Variants in FHOD3 observed in about 807,000 individuals in gnomAD.
FHOD3 encodes the protein FH1/FH2 domain-containing protein 3.
In FHOD3, 90 loss-of-function variants were observed where a neutral mutation model predicts 173.0. The ratio of observed to expected loss-of-function variants is 0.52; its 90% CI spans 0.44 to 0.62. FHOD3 has a LOEUF of 0.62. Among genes scored for constraint, FHOD3 ranks in the 20% least tolerant of loss-of-function variants. The pLI, the probability that FHOD3 is intolerant of heterozygous loss-of-function variation, is 0.00. For synonymous variants in FHOD3, 828 were observed against 823.0 expected (o/e 1.01, Z -0.10); for missense variants, 1,945 against 2,034.7 (o/e 0.96, Z 0.85).
chr18:36,346,554 A>T (rs1446768453), intron 1 of FHOD3, among the ~76,000 whole-genome samples: 1 of 152,148 alleles, frequency 6.6e-6, no homozygotes, highest in East Asian at 1.9e-4. Context: ...ACCATATCCG[A>T]TCAGTCACTC....
chr18:36,302,267 C>T (rs1158293633), intron 1 of FHOD3, among the ~76,000 whole-genome samples: 1 of 152,130 alleles, frequency 6.6e-6, no homozygotes, highest in African/African-American at 2.4e-5. Flanking sequence ...GTGGTTGCCT[C>T]GCTGCCTCAG....
rs892638487 is a variant in FHOD3, at chr18:36,709,370, C to G, written c.2512C>G (p.Leu838Val). The change falls in exon 18 of 29, where the codon CTC (leucine) becomes GTC (valine). Residue 838 changes from leucine (L) to valine (V), a missense_variant. By Grantham distance (32) the Leu-to-Val change is conservative (BLOSUM62 1). Around this residue, in one of 5 missense-constraint regions of FHOD3, gnomAD observed 1,099 missense variants for 1,051.2 expected, o/e 1.05. Transcript: ENST00000590592. ...TLEREEKEDK[L>V]SRDRTTGLWP... ...GGAGAGGGAGGAGAAGGAGGACAAGCTCTCCAGGGACAGGACAACTGGTAA... is the reference window on the plus strand; with the variant it reads ...GGAGAGGGAGGAGAAGGAGGACAAGGTCTCCAGGGACAGGACAACTGGTAA... 6.2e-7 allele frequency: 1 copy of G among 1,613,906 alleles called. No individual in the cohort carries two copies. Among genetic ancestry groups the G allele is most frequent in the South Asian group, 1.1e-5 (1 of 91,056 alleles).
chr18:36,600,684 G>A (rs763327355), intron 7 of FHOD3, among the ~76,000 whole-genome samples: 7 of 152,236 alleles, frequency 4.6e-5, no homozygotes, highest in Non-Finnish European at 1.0e-4. Context: ...ATGTGCATGT[G>A]TCTGTTTAAG....
intron 3 of FHOD3, among the ~76,000 whole-genome samples, chr18:36,445,444 A>G (rs796503544): frequency 1.3e-5 from 2 of 152,204 alleles, no homozygotes; most frequent in Admixed American, 1.3e-4. Context: ...TCCCTGAAAA[A>G]TAAGAATAAT....
At chr18:36,568,547 G>T (rs572320344) in intron 5 of FHOD3, among the ~76,000 whole-genome samples, 1 of 149,558 alleles carries the variant, frequency 6.7e-6, no homozygotes, top group South Asian at 2.1e-4. Context: ...GCATAGCAGT[G>T]ACTTTGAGAA....
At chr18:36,480,485 C>T (rs1037607740) in intron 3 of FHOD3, among the ~76,000 whole-genome samples, 7 of 152,174 alleles carry the variant, frequency 4.6e-5, no homozygotes, top group Non-Finnish European at 8.8e-5. Context: ...ACATGCAGCA[C>T]GAGGCTCTTG....
intron 1 of FHOD3, among the ~76,000 whole-genome samples, chr18:36,340,033 A>G (rs910711132): frequency 1.3e-5 from 2 of 152,150 alleles, no homozygotes; most frequent in African/African-American, 4.8e-5. Context: ...CCTTTCACCA[A>G]TTCTTCATTC....
chr18:36,595,808 T>C (rs1305954281), intron 7 of FHOD3, among the ~76,000 whole-genome samples: 3 of 152,258 alleles, frequency 2.0e-5, no homozygotes, highest in Non-Finnish European at 2.9e-5. Context: ...TTTTGTCTTT[T>C]GTTGTTTGTT....
intron 5 of FHOD3, among the ~76,000 whole-genome samples, chr18:36,564,743 C>T (rs2147750389): frequency 6.6e-6 from 1 of 152,124 alleles, no homozygotes; most frequent in East Asian, 1.9e-4. Context: ...ACGGGCCCTC[C>T]CTCCTTTGAG....
intron 3 of FHOD3, among the ~76,000 whole-genome samples, chr18:36,394,029 A>G (rs139972048): frequency 1.3e-5 from 2 of 152,338 alleles, no homozygotes; most frequent in African/African-American, 4.8e-5. Flanking sequence ...AGACACACAG[A>G]TGAGCGTGAG....
intron 1 of FHOD3, among the ~76,000 whole-genome samples, chr18:36,301,450 A>G (rs1470676600): frequency 6.6e-6 from 1 of 152,230 alleles, no homozygotes; most frequent in Admixed American, 6.5e-5. Flanking sequence ...ATCTGCTTAT[A>G]GTAGTTCTAG....
In FHOD3 at chr18:36,331,759, G is replaced by C. The variant is rs192530496; in HGVS notation, c.166-23780G>C. 2.6e-4 allele frequency among the ~76,000 whole-genome samples: 39 copies of C among 152,254 alleles called. 2 individuals are homozygous for C. The highest frequency in any genetic ancestry group is 2.2e-3 in the Admixed American group (34 of 15,294). On this transcript the variant is annotated intron_variant, in intron 1 of 28. Coordinates refer to ENST00000590592, the MANE Select transcript of FHOD3 (RefSeq NM_001281740.3). Reference sequence around the variant, plus strand: ...AAGCAACTTCCCAGAGCTCAGGAGGGGTGGGGGAGCTGCAGCTGGTGTTGG... The same window carrying C: ...AAGCAACTTCCCAGAGCTCAGGAGGCGTGGGGGAGCTGCAGCTGGTGTTGG...
At chr18:36,495,424 C>T (rs2054694553) in intron 3 of FHOD3, among the ~76,000 whole-genome samples, 1 of 152,206 alleles carries the variant, frequency 6.6e-6, no homozygotes, top group Non-Finnish European at 1.5e-5. Context: ...AACATGTGTT[C>T]ATGGCCAAGG....
intron 3 of FHOD3, among the ~76,000 whole-genome samples, chr18:36,491,108 C>T (rs1037226762): frequency 1.2e-4 from 19 of 152,094 alleles, no homozygotes; most frequent in African/African-American, 3.6e-4. Context: ...GACAGATAAG[C>T]GATGATTCAT....
chr18:36,386,463 G>A (rs147828031), intron 3 of FHOD3, among the ~76,000 whole-genome samples: 9 of 152,312 alleles, frequency 5.9e-5, no homozygotes, highest in Admixed American at 2.0e-4. Context: ...TAAAAACAAC[G>A]AGCAATTTCC....
intron 15 of FHOD3, among the ~76,000 whole-genome samples, chr18:36,686,485 T>C (rs2155915): frequency 0.025 from 3,772 of 151,132 alleles, 159 homozygotes; most frequent in African/African-American, 0.087. Context: ...CTGGGGCCTG[T>C]CAGTGGGGGG....
chr18:36,704,842 G>T (rs1600325063), intron 17 of FHOD3, among the ~76,000 whole-genome samples: 1 of 152,162 alleles, frequency 6.6e-6, no homozygotes, highest in African/African-American at 2.4e-5. Context: ...GTGTGAACAC[G>T]GTTCCTCCCC....
intron 14 of FHOD3, among the ~76,000 whole-genome samples, chr18:36,680,788 C>T (rs1027796234): frequency 3.3e-5 from 5 of 152,184 alleles, no homozygotes; most frequent in African/African-American, 1.2e-4. Flanking sequence ...CATTTCAGCC[C>T]ATTGCAAGTT....
intron 5 of FHOD3, among the ~76,000 whole-genome samples, chr18:36,524,658 A>C (rs1201606329): frequency 6.6e-6 from 1 of 152,130 alleles, no homozygotes; most frequent in Non-Finnish European, 1.5e-5. Context: ...CCATGTGTGC[A>C]TCCTGCTGGT....
Sources: allele counts gnomAD v4.1 joint callset (sites outside exome capture counted in the v4.1 genomes callset), GRCh38; gene constraint gnomAD v4.1.1; regional missense constraint gnomAD v4.1.1; transcripts MANE v1.5; gene names NCBI Gene and HGNC (gene_info 2026-07-23, HGNC 2026-07-21).